The following KCNN3 variants were observed in gnomAD, a reference collection of about 807,000 sequenced individuals.
KCNN3 encodes the protein potassium calcium-activated channel subfamily N member 3.
KCNN3 carries 16 observed loss-of-function variants against 62.9 expected under a neutral mutation model. The observed-to-expected ratio is 0.25, with a 90% confidence interval of 0.17 to 0.39. The LOEUF (loss-of-function observed/expected upper bound fraction) is 0.39, where lower values mean the gene tolerates loss of function less well. Among genes scored for constraint, KCNN3 ranks in the 10% least tolerant of loss-of-function variants. The probability of loss-of-function intolerance (pLI) is 1.00; values close to 1 mark genes in which losing one functional copy is unlikely to be tolerated. For missense variants in KCNN3, 599 were observed against 949.4 expected, an observed-to-expected ratio of 0.63 and a Z score of 4.85; for synonymous variants, 370 against 389.2, an observed-to-expected ratio of 0.95 and a Z score of 0.58.
intron 3 of KCNN3, among the ~76,000 whole-genome samples, chr1:154,753,222 T>A (rs1373626283): frequency 6.6e-6 from 1 of 152,204 alleles, no homozygotes; most frequent in Non-Finnish European, 1.5e-5. Flanking sequence ...TTTATTAAGT[T>A]TGTTATACAT....
rs1651245490 is a variant in KCNN3 at position 154,828,622 on chromosome 1, T to A, written c.934-6438A>T. 2.0e-5 allele frequency among the ~76,000 whole-genome samples: 3 copies of A among 152,258 alleles called. No homozygotes were observed. The South Asian group carries it at 6.2e-4, about 32-fold the overall frequency. The stretch of plus-strand genomic sequence containing the variant: ...CGGTCCTTTAACCTCTCTGGGCCTC[T>A]GGTTTCTTCTCTGCAAACAAGAACT... On this transcript the variant is annotated intron_variant, in intron 1 of 7. Transcript: ENST00000271915.
At chr1:154,813,828 T>G (rs1650539820) in intron 2 of KCNN3, among the ~76,000 whole-genome samples, 2 of 151,926 alleles carry the variant, frequency 1.3e-5, no homozygotes, top group Non-Finnish European at 2.9e-5. Context: ...ACCCACCCCA[T>G]CGGAGACGCC....
chr1:154,823,444 C>T (rs546007663), intron 1 of KCNN3, among the ~76,000 whole-genome samples: 1 of 152,170 alleles, frequency 6.6e-6, no homozygotes, highest in Non-Finnish European at 1.5e-5. Flanking sequence ...GGTGGTTTCA[C>T]GTATTTGTTC....
intron 1 of KCNN3, among the ~76,000 whole-genome samples, chr1:154,823,990 T>C (rs1427914185): frequency 6.6e-6 from 1 of 152,232 alleles, no homozygotes; most frequent in Non-Finnish European, 1.5e-5. Context: ...GGTACAGTTC[T>C]TGAGGCCCAC....
intron 3 of KCNN3, among the ~76,000 whole-genome samples, chr1:154,740,700 A>T (rs1700807423): frequency 6.6e-6 from 1 of 152,202 alleles, no homozygotes; most frequent in Non-Finnish European, 1.5e-5. Context: ...GTGAATTGGG[A>T]TCTCATCAAG....
chr1:154,818,530 T>C (rs1650763134), intron 2 of KCNN3, among the ~76,000 whole-genome samples: 1 of 152,326 alleles, frequency 6.6e-6, no homozygotes, highest in Admixed American at 6.5e-5. Context: ...TTCAGAGATG[T>C]TGAGGCCATG....
chr1:154,833,601 G>A (rs910343759), intron 1 of KCNN3, among the ~76,000 whole-genome samples: 5 of 152,190 alleles, frequency 3.3e-5, no homozygotes, highest in African/African-American at 1.2e-4. Flanking sequence ...TTAAGGCCCA[G>A]AGAGGGACTC....
intron 3 of KCNN3, among the ~76,000 whole-genome samples, chr1:154,748,269 C>T (rs1019531617): frequency 1.3e-5 from 2 of 152,142 alleles, no homozygotes; most frequent in Admixed American, 6.5e-5. Context: ...TCCACCCGCC[C>T]GGGGCCCTCA....
chr1:154,712,523 G>A (rs186316701), intron 7 of KCNN3, among the ~76,000 whole-genome samples: 11 of 152,196 alleles, frequency 7.2e-5, no homozygotes, highest in Admixed American at 7.2e-4. Context: ...CACGTGGCCC[G>A]ACAACTAGTG....
chr1:154,801,160 C>T (rs1479257260), intron 2 of KCNN3, among the ~76,000 whole-genome samples: 1 of 152,052 alleles, frequency 6.6e-6, no homozygotes, highest in Non-Finnish European at 1.5e-5. Context: ...TCACCCCCAA[C>T]ACAGGAGGCC....
At chr1:154,787,359 C>T (rs1240663464) in intron 2 of KCNN3, among the ~76,000 whole-genome samples, 3 of 152,292 alleles carry the variant, frequency 2.0e-5, no homozygotes, top group African/African-American at 7.2e-5. Flanking sequence ...AGGGCCAGGG[C>T]ATGCGGCAGC....
At chr1:154,722,729 C>A (rs1031483548) in intron 5 of KCNN3, among the ~76,000 whole-genome samples, 1 of 133,868 alleles carries the variant, frequency 7.5e-6, no homozygotes, top group African/African-American at 2.8e-5. Flanking sequence ...GTGAGTATTT[C>A]TTTTTTTTTT....
chr1:154,752,978 G>A (rs1039580630), intron 3 of KCNN3, among the ~76,000 whole-genome samples: 4 of 152,086 alleles, frequency 2.6e-5, no homozygotes, highest in South Asian at 2.1e-4. Context: ...GGGACAGGCC[G>A]GGCACCTCAG....
chr1:154,863,281 C>T (rs1652833728), intron 1 of KCNN3, among the ~76,000 whole-genome samples: 1 of 152,124 alleles, frequency 6.6e-6, no homozygotes, highest in Non-Finnish European at 1.5e-5. Flanking sequence ...TTTCCTCACC[C>T]GAAGAAAAGG....
In KCNN3 at chr1:154,701,316, G is replaced by A. The variant is rs903833805; in HGVS notation, c.*6660C>T. On this transcript the variant is annotated 3_prime_UTR_variant, in exon 8 of 8. Transcript: ENST00000271915. Reference sequence around the variant, plus strand: ...CACATAGGCTCAGTTAATCTGCCCCGATGCAACCTGGTTTGCACCTGTACA... The same window carrying A: ...CACATAGGCTCAGTTAATCTGCCCCAATGCAACCTGGTTTGCACCTGTACA... The A allele has an allele frequency of 3.3e-5, 5 of 152,134 alleles. No individual in the cohort carries two copies. Among genetic ancestry groups the A allele is most frequent in the African/African-American group, 9.7e-5 (4 of 41,428 alleles). 9.4% of individuals were successfully genotyped at this position (152,134 alleles called of 1,614,324 possible). A position where few individuals can be genotyped will look rare whatever the true frequency, so the allele number is the denominator to read the frequency against.
intron 2 of KCNN3, among the ~76,000 whole-genome samples, chr1:154,783,326 G>A (rs1320678797): frequency 1.3e-5 from 2 of 152,130 alleles, no homozygotes; most frequent in African/African-American, 4.8e-5. Context: ...AAATAAACTG[G>A]GTTCTATCCC....
chr1:154,718,739 A>G (rs919267892), intron 5 of KCNN3, among the ~76,000 whole-genome samples: 1 of 152,208 alleles, frequency 6.6e-6, no homozygotes, highest in Non-Finnish European at 1.5e-5. Flanking sequence ...AAAAACCACA[A>G]CAACAAAGCA....
At chr1:154,802,351 C>T (rs370788810) in intron 2 of KCNN3, among the ~76,000 whole-genome samples, 4 of 152,166 alleles carry the variant, frequency 2.6e-5, no homozygotes, top group African/African-American at 4.8e-5. Flanking sequence ...GCCACTACCC[C>T]GCACCCAGGA....
intron 2 of KCNN3, among the ~76,000 whole-genome samples, chr1:154,789,005 T>A (rs988565107): frequency 6.6e-6 from 1 of 152,206 alleles, no homozygotes; most frequent in Non-Finnish European, 1.5e-5. Context: ...TGTAACACAT[T>A]ACTTAAAACA....
Sources: gnomAD v4.1 joint callset for allele counts (sites outside exome capture counted in the v4.1 genomes callset) on GRCh38, gnomAD v4.1.1 for gene constraint, MANE v1.5 for transcripts, NCBI Gene and HGNC (gene_info 2026-07-23, HGNC 2026-07-21) for gene names.